PKIG: variants seen among roughly 807,000 people sequenced by gnomAD.
The protein encoded by PKIG is protein kinase (cAMP-dependent, catalytic) inhibitor gamma.
PKIG carries 1 observed loss-of-function variant against 6.8 expected under a neutral mutation model. That is an observed-to-expected ratio of 0.15 (90% CI 0.05 to 0.69). The LOEUF is 0.69. PKIG is among the 30% of genes least tolerant of loss of function. The probability of loss-of-function intolerance (pLI) is 0.82; values close to 1 mark genes in which losing one functional copy is unlikely to be tolerated. For missense variants in PKIG, 77 were observed against 104.0 expected (o/e 0.74, Z 1.13); for synonymous variants, 39 against 43.0 (o/e 0.91, Z 0.36).
chr20:44,569,648 C>T (rs1037615857), intron 1 of PKIG, among the ~76,000 whole-genome samples: 13 of 151,236 alleles, frequency 8.6e-5, no homozygotes, highest in African/African-American at 3.2e-4. Context: ...CTCTTGTTGC[C>T]CAGGCTGCAG....
chr20:44,565,010 G>C (rs181851146), intron 1 of PKIG, among the ~76,000 whole-genome samples: 1 of 152,162 alleles, frequency 6.6e-6, no homozygotes, highest in Non-Finnish European at 1.5e-5. Flanking sequence ...TCATTAGGAC[G>C]TGTTGACCTT....
At chr20:44,580,185 A>C (rs2064935397), upstream of PKIG, among the ~76,000 whole-genome samples, 1 of 152,162 alleles carries the variant, frequency 6.6e-6, no homozygotes, top group Admixed American at 6.5e-5. Context: ...CCACACAAGA[A>C]CCTTGGAGAG....
At chr20:44,609,743 G>C (rs1006171688) in intron 2 of PKIG, among the ~76,000 whole-genome samples, 1 of 152,116 alleles carries the variant, frequency 6.6e-6, no homozygotes, top group South Asian at 2.1e-4. Flanking sequence ...CCGAGGACTC[G>C]GAGGCTCCGG....
intron 1 of PKIG, among the ~76,000 whole-genome samples, chr20:44,572,468 C>T (rs1481702729): frequency 6.6e-6 from 1 of 152,132 alleles, no homozygotes. Context: ...TTAAAAGTCA[C>T]TTGCTCTTAA....
rs922573856 is a variant in PKIG, at chr20:44,614,036, G to A, written c.-23-498G>A. 2.2e-4 allele frequency among the ~76,000 whole-genome samples: 34 copies of A among 151,962 alleles called. 1 individual carries two copies. Among genetic ancestry groups the A allele is most frequent in the African/African-American group, 7.5e-4 (31 of 41,354 alleles). Reference sequence around the variant, plus strand: ...TCACTCTTCATCTGCATGACGCCTCGTCCTCCTTGGTTCTCAGCTAAAATG... The same window carrying A: ...TCACTCTTCATCTGCATGACGCCTCATCCTCCTTGGTTCTCAGCTAAAATG... On this transcript the variant is annotated intron_variant, in intron 2 of 3. Transcript: ENST00000372886. The surrounding 1 kb of genome is among the most constrained non-coding windows in gnomAD (Gnocchi z 4.6).
At chr20:44,560,882 C>A (rs1325856520) in intron 1 of PKIG, among the ~76,000 whole-genome samples, 1 of 152,116 alleles carries the variant, frequency 6.6e-6, no homozygotes, top group Non-Finnish European at 1.5e-5. Flanking sequence ...ATCACTAGCA[C>A]ATGGGATTAA....
At chr20:44,578,197 C>T (rs915802361), upstream of PKIG, among the ~76,000 whole-genome samples, 4 of 151,606 alleles carry the variant, frequency 2.6e-5, no homozygotes, top group Admixed American at 1.3e-4. Flanking sequence ...AAAAATTAGC[C>T]GGGCATGGTG....
At chr20:44,609,179 C>T (rs527259217) in intron 2 of PKIG, among the ~76,000 whole-genome samples, 13 of 152,270 alleles carry the variant, frequency 8.5e-5, no homozygotes, top group African/African-American at 3.1e-4. Flanking sequence ...TTGCTGTTCC[C>T]TGAGGGGATA....
intron 1 of PKIG, among the ~76,000 whole-genome samples, chr20:44,538,293 C>G (rs2064531014): frequency 1.3e-5 from 2 of 152,116 alleles, no homozygotes; most frequent in Non-Finnish European, 2.9e-5. Context: ...TTTAGTCCTC[C>G]TAACAATTCT....
chr20:44,553,781 C>T lies in PKIG; in HGVS notation c.-241+21803C>T, dbSNP rs537046443. ...ATATGTGAACATGTTCCTGTGCACA[C>T]GGGTGAGGGGAGGAAGGAAGGCTCC... On this transcript the variant is annotated intron_variant, in intron 1 of 4. Transcript: ENST00000372887. Among the ~76,000 whole-genome samples, 7 of 152,150 alleles carry T rather than the reference C, an allele frequency of 4.6e-5. No individual in the cohort carries two copies. The South Asian group carries it at 1.0e-3, about 23-fold the overall frequency.
intron 1 of PKIG, among the ~76,000 whole-genome samples, chr20:44,536,148 C>G (rs1180737138): frequency 1.3e-5 from 2 of 152,196 alleles, no homozygotes; most frequent in African/African-American, 2.4e-5. Context: ...GAATTTCATT[C>G]TTTTTGTAAG....
intron 3 of PKIG, among the ~76,000 whole-genome samples, chr20:44,616,502 GTCTC>G (rs1325716298): frequency 1.3e-5 from 2 of 152,194 alleles, no homozygotes; most frequent in Non-Finnish European, 2.9e-5. Context: ...GCTCTGTTCT[GTCTC>G]TCTCTCCCTC....
intron 2 of PKIG, among the ~76,000 whole-genome samples, chr20:44,599,530 T>C (rs1376311236): frequency 1.3e-5 from 2 of 152,118 alleles, no homozygotes; most frequent in African/African-American, 2.4e-5. Flanking sequence ...GAGACCATCC[T>C]GGCCAACATG....
intron 2 of PKIG, chr20:44,598,946 A>G (rs998962695): frequency 6.6e-6 from 1 of 152,232 alleles, no homozygotes; most frequent in East Asian, 1.9e-4. Flanking sequence ...CTTGCTGTGA[A>G]GTTAGATACC....
chr20:44,534,951 T>G (rs772903896), intron 1 of PKIG, among the ~76,000 whole-genome samples: 9 of 152,190 alleles, frequency 5.9e-5, no homozygotes, highest in Non-Finnish European at 1.0e-4. Context: ...CTGGATGATA[T>G]AAATCTCTAC....
chr20:44,547,237 A>C (rs1350841187), intron 1 of PKIG, among the ~76,000 whole-genome samples: 1 of 152,238 alleles, frequency 6.6e-6, no homozygotes, highest in Non-Finnish European at 1.5e-5. Flanking sequence ...AATAGCTTAC[A>C]TTCCGTGTTG....
intron 1 of PKIG, among the ~76,000 whole-genome samples, chr20:44,543,170 A>G (rs2064578057): frequency 6.6e-6 from 1 of 152,160 alleles, no homozygotes; most frequent in South Asian, 2.1e-4. Flanking sequence ...TGTAAAGTGG[A>G]TATTATGAGA....
intron 1 of PKIG, among the ~76,000 whole-genome samples, chr20:44,549,662 G>A (rs538107284): frequency 1.3e-5 from 2 of 152,104 alleles, no homozygotes; most frequent in Admixed American, 6.5e-5. Context: ...CCATCTCTAC[G>A]AAAAATGGAA....
intron 2 of PKIG, among the ~76,000 whole-genome samples, chr20:44,610,081 C>T (rs1315882158): frequency 2.0e-5 from 3 of 152,206 alleles, no homozygotes; most frequent in Non-Finnish European, 4.4e-5. Context: ...ACCTCTGGAA[C>T]TTCCGGGAAT....
Sources: allele counts gnomAD v4.1 joint callset (sites outside exome capture counted in the v4.1 genomes callset), GRCh38; gene constraint gnomAD v4.1.1; non-coding constraint Gnocchi (gnomAD v3.1); transcripts MANE v1.5; gene names NCBI Gene and HGNC (gene_info 2026-07-23, HGNC 2026-07-21).